IQCK: variants seen among roughly 807,000 people sequenced by gnomAD.
IQCK encodes the protein IQ motif containing K.
IQCK carries 29 observed loss-of-function variants against 28.1 expected under a neutral mutation model. The ratio of observed to expected loss-of-function variants is 1.03; its 90% CI spans 0.77 to 1.41. The LOEUF (loss-of-function observed/expected upper bound fraction) is 1.41. Among genes scored for constraint, IQCK ranks in the 40% most tolerant of loss-of-function variants. The pLI, the probability that IQCK is intolerant of heterozygous loss-of-function variation, is 0.00. For missense variants in IQCK, 359 were observed against 314.7 expected (o/e 1.14, Z -1.07); for synonymous variants, 113 against 115.1 (o/e 0.98, Z 0.12).
chr16:19,780,804 T>C (rs936258139), intron 6 of IQCK, among the ~76,000 whole-genome samples: 5 of 152,264 alleles, frequency 3.3e-5, no homozygotes, highest in Non-Finnish European at 5.9e-5. Context: ...CAGTAGTTAA[T>C]TGGCCTGCTA....
exon 1 of IQCK, chr16:19,718,298 A>G (rs1322085312): frequency 1.3e-6 from 2 of 1,599,888 alleles, no homozygotes; most frequent in Non-Finnish European, 8.5e-7. Context: ...TACCGTGGAA[A>G]CCGCGGCCAT....
At chr16:19,851,697 T>G (rs2056485014) in intron 9 of IQCK, among the ~76,000 whole-genome samples, 1 of 152,192 alleles carries the variant, frequency 6.6e-6, no homozygotes, top group Non-Finnish European at 1.5e-5. Context: ...CTTCCGGAAC[T>G]GGCTGGGCAC....
chr16:19,855,741 A>G (rs941843625), intron 9 of IQCK, among the ~76,000 whole-genome samples: 18 of 152,222 alleles, frequency 1.2e-4, no homozygotes, highest in African/African-American at 3.1e-4. Context: ...CCTTTTTACC[A>G]GAACAATGCT....
intron 9 of IQCK, among the ~76,000 whole-genome samples, chr16:19,849,328 G>T (rs1383533403): frequency 7.3e-5 from 11 of 150,932 alleles, no homozygotes. Flanking sequence ...TGTAATTTTG[G>T]ACGTAATGAA....
At chr16:19,751,891 G>C (rs2054991904) in intron 4 of IQCK, among the ~76,000 whole-genome samples, 1 of 152,128 alleles carries the variant, frequency 6.6e-6, no homozygotes, top group Admixed American at 6.5e-5. Context: ...TCCGATTATA[G>C]TTATAGCTGC....
intron 6 of IQCK, among the ~76,000 whole-genome samples, chr16:19,766,587 A>G (rs1337124879): frequency 6.6e-6 from 1 of 152,234 alleles, no homozygotes; most frequent in Non-Finnish European, 1.5e-5. Flanking sequence ...CAACCTTGGC[A>G]CTATTGACAT....
chr16:19,750,011 C>G (rs531973745), intron 4 of IQCK, among the ~76,000 whole-genome samples: 2 of 152,150 alleles, frequency 1.3e-5, no homozygotes, highest in African/African-American at 4.8e-5. Context: ...TTTGTAGATG[C>G]GTGACCCCAG....
chr16:19,829,398 G>A (rs13336208), downstream of IQCK, among the ~76,000 whole-genome samples: 4 of 150,914 alleles, frequency 2.7e-5, no homozygotes, highest in East Asian at 3.9e-4. Flanking sequence ...GTGCAGTGGC[G>A]CAATCTCAGC....
intron 9 of IQCK, among the ~76,000 whole-genome samples, chr16:19,832,827 G>GGA (rs554339160): frequency 1.3e-5 from 2 of 151,922 alleles, no homozygotes; most frequent in Non-Finnish European, 1.5e-5. Context: ...TATGGCGGCA[G>GGA]GAGAGAGAGA....
chr16:19,812,078 C>T (rs752761685), intron 7 of IQCK, among the ~76,000 whole-genome samples: 1 of 151,408 alleles, frequency 6.6e-6, no homozygotes, highest in Non-Finnish European at 1.5e-5. Context: ...GTCTCTGCCT[C>T]CCGGGTTCAA....
At chr16:19,835,730 G>C (rs914400584) in intron 9 of IQCK, among the ~76,000 whole-genome samples, 2 of 151,862 alleles carry the variant, frequency 1.3e-5, no homozygotes, top group African/African-American at 4.8e-5. Flanking sequence ...GATTATAGGC[G>C]AGTGCCACCA....
At chr16:19,809,220 C>T (rs910685142) in intron 7 of IQCK, among the ~76,000 whole-genome samples, 5 of 152,216 alleles carry the variant, frequency 3.3e-5, no homozygotes, top group African/African-American at 1.2e-4. Context: ...GTAAATTGCG[C>T]AGCTGCAATC....
chr16:19,740,993 C>G (rs1597508897), intron 4 of IQCK, among the ~76,000 whole-genome samples: 2 of 150,048 alleles, frequency 1.3e-5, no homozygotes, highest in South Asian at 4.2e-4. Flanking sequence ...AGAATATCTA[C>G]AAGCAGGATG....
chr16:19,726,272 A>G (rs1295719719), intron 1 of IQCK, among the ~76,000 whole-genome samples: 1 of 152,232 alleles, frequency 6.6e-6, no homozygotes, highest in East Asian at 1.9e-4. Context: ...AGAAATGCAA[A>G]TAAAAGTAAA....
At chr16:19,724,600 C>T (rs999113072) in intron 1 of IQCK, among the ~76,000 whole-genome samples, 5 of 152,000 alleles carry the variant, frequency 3.3e-5, no homozygotes, top group African/African-American at 9.7e-5. Flanking sequence ...GCGATCTCGG[C>T]TCACTGCAAG....
chr16:19,853,015 A>G (rs1168323287), intron 9 of IQCK, among the ~76,000 whole-genome samples: 3 of 152,116 alleles, frequency 2.0e-5, no homozygotes, highest in Non-Finnish European at 1.5e-5. Context: ...GTAGACCACA[A>G]TTGGTTTATC....
rs191431427 is a variant in IQCK at position 19,743,349 on chromosome 16, A to G, written c.474+7899A>G. 1.6e-3 allele frequency among the ~76,000 whole-genome samples: 249 copies of G among 152,294 alleles called. 2 individuals carry two copies. Among genetic ancestry groups the G allele is most frequent in the Middle Eastern group, 0.01 (3 of 294 alleles). ...TACTGCCTCTGGAGGGAGGTAAACA[A>G]TGGGGAGACCGCCTAAGTCTGCTAG... is the stretch of plus-strand genomic sequence containing the variant. On this transcript the variant is annotated intron_variant, in intron 4 of 7. Transcript: ENST00000564186.
intron 6 of IQCK, among the ~76,000 whole-genome samples, chr16:19,786,492 G>A (rs1204247440): frequency 6.8e-6 from 1 of 146,092 alleles, no homozygotes; most frequent in Non-Finnish European, 1.5e-5. Flanking sequence ...GAGGTCAGGA[G>A]TTTGAGACCA....
chr16:19,829,004 A>G (rs896972235), downstream of IQCK, among the ~76,000 whole-genome samples: 1 of 143,904 alleles, frequency 6.9e-6, no homozygotes, highest in Non-Finnish European at 1.5e-5. Flanking sequence ...ATATATATAA[A>G]TATATATTAT....
Sources: allele counts gnomAD v4.1 joint callset (sites outside exome capture counted in the v4.1 genomes callset), GRCh38; gene constraint gnomAD v4.1.1; transcripts MANE v1.5; gene names NCBI Gene and HGNC (gene_info 2026-07-23, HGNC 2026-07-21).